The following RANBP17 variants were observed in gnomAD, a reference collection of about 807,000 sequenced individuals.
RANBP17 encodes the protein RAN binding protein 17.
A neutral mutation model predicts 141.2 loss-of-function variants in RANBP17; 158 were observed. The ratio of observed to expected loss-of-function variants is 1.12; its 90% CI spans 0.98 to 1.28. RANBP17 has a LOEUF of 1.28. Ranked by LOEUF, RANBP17 falls within the 50% of genes most tolerant of loss-of-function variation. The pLI is 0.00. For synonymous variants in RANBP17, 430 were observed against 450.0 expected, an observed-to-expected ratio of 0.96 and a Z score of 0.56; for missense variants, 1,438 against 1,290.7, an observed-to-expected ratio of 1.11 and a Z score of -1.75.
chr5:170,982,918 A>G (rs1777872218), intron 14 of RANBP17: 1 of 307,986 alleles, frequency 3.2e-6, no homozygotes, highest in African/African-American at 2.2e-5. Context: ...AATAGAAGAC[A>G]GTGAAACATT....
chr5:171,296,024 G>C lies in RANBP17; in HGVS notation c.3170+10G>C, dbSNP rs779206769. ...TCAAGAACAGAGACAGGTGAGCATT[G>C]CCCAGTAGTGTGTCACTGGGGGAAG... On this transcript the variant is annotated intron_variant, in intron 27 of 27. Transcript: ENST00000523189. The C allele has an allele frequency of 6.2e-7, 1 of 1,610,540 alleles. No individual in the cohort carries two copies. Among genetic ancestry groups the C allele is most frequent in the African/African-American group, 1.3e-5 (1 of 74,818 alleles).
Position 170,951,904 on chromosome 5 carries a change from CA to C in RANBP17, c.1469-1692del, listed in dbSNP as rs374389672. On this transcript the variant is annotated intron_variant, in intron 12 of 27. Coordinates refer to ENST00000523189, the MANE Select transcript of RANBP17 (RefSeq NM_022897.5). ...GCCAAGAACCAATACTTTCAAAAAA[CA>C]GGGGGAAATAATCTGCAGGAGAGTA... Among the ~76,000 whole-genome samples the C allele has an allele frequency of 4.1e-4, 62 of 151,958 alleles. 1 individual carries two copies. The South Asian group carries it at 0.012, about 31-fold the overall frequency.
chr5:170,896,338 G>A (rs1770119137), intron 5 of RANBP17: 4 of 451,250 alleles, frequency 8.9e-6, no homozygotes, highest in South Asian at 4.5e-5. Context: ...GTATTACAAA[G>A]AACAGAGAAT....
chr5:171,212,530 C>A (rs1201646003), intron 20 of RANBP17, among the ~76,000 whole-genome samples: 1 of 152,156 alleles, frequency 6.6e-6, no homozygotes, highest in Non-Finnish European at 1.5e-5. Context: ...AGAGATGAAG[C>A]TGGAGGTAGC....
chr5:171,136,001 C>G (rs975027133), intron 14 of RANBP17, among the ~76,000 whole-genome samples: 4 of 152,168 alleles, frequency 2.6e-5, no homozygotes, highest in Non-Finnish European at 5.9e-5. Context: ...GGCTGATGTT[C>G]TTTTCTACAT....
intron 14 of RANBP17, among the ~76,000 whole-genome samples, chr5:171,000,972 C>G (rs534498429): frequency 5.5e-4 from 84 of 152,156 alleles, no homozygotes; most frequent in African/African-American, 1.9e-3. Flanking sequence ...TGCTTCAGGC[C>G]GTCCGGATGT....
At chr5:171,126,445 A>G (rs1401291463) in intron 14 of RANBP17, among the ~76,000 whole-genome samples, 1 of 152,208 alleles carries the variant, frequency 6.6e-6, no homozygotes, top group Non-Finnish European at 1.5e-5. Flanking sequence ...ACCCCAAATT[A>G]GTTGAAGGAC....
chr5:170,957,107 A>ACACACACGCGCG (rs542213195), intron 13 of RANBP17, among the ~76,000 whole-genome samples: 2 of 150,420 alleles, frequency 1.3e-5, no homozygotes, highest in South Asian at 4.3e-4. Context: ...ACACACACAC[A>ACACACACGCGCG]CGCGCACACT....
intron 14 of RANBP17, among the ~76,000 whole-genome samples, chr5:171,161,216 A>T (rs1181453462): frequency 6.6e-6 from 1 of 152,216 alleles, no homozygotes; most frequent in African/African-American, 2.4e-5. Context: ...ATATAACCAC[A>T]TCCAGAATTT....
intron 14 of RANBP17, among the ~76,000 whole-genome samples, chr5:170,982,695 T>G (rs1404064044): frequency 1.3e-5 from 2 of 152,290 alleles, no homozygotes; most frequent in East Asian, 3.9e-4. Flanking sequence ...GAAATTCTCC[T>G]GTAGTGAAAG....
At chr5:170,906,090 C>G (rs1771057606) in intron 5 of RANBP17, among the ~76,000 whole-genome samples, 1 of 152,018 alleles carries the variant, frequency 6.6e-6, no homozygotes, top group Admixed American at 6.6e-5. Context: ...TTCCTACACA[C>G]AAGGACGTTC....
intron 14 of RANBP17, among the ~76,000 whole-genome samples, chr5:171,016,342 A>G (rs1289083569): frequency 1.3e-5 from 2 of 152,072 alleles, no homozygotes; most frequent in South Asian, 2.1e-4. Flanking sequence ...CAAAATTTCT[A>G]TAAGTGACAA....
chr5:170,977,627 T>G (rs1255679814), intron 14 of RANBP17, among the ~76,000 whole-genome samples: 1 of 152,036 alleles, frequency 6.6e-6, no homozygotes, highest in Non-Finnish European at 1.5e-5. Context: ...TAGATAAAAT[T>G]TGGTATTTCC....
At position 171,299,479 on chromosome 5, in the gene RANBP17, A is replaced by C. The variant is rs537827305; in HGVS notation, c.*621A>C. Reference sequence around the variant, plus strand: ...GAAACAATGTTTGCTTTTCACTGGCATAAATCTGAAGTGGTTCAGTCTAGA... The same window carrying C: ...GAAACAATGTTTGCTTTTCACTGGCCTAAATCTGAAGTGGTTCAGTCTAGA... On this transcript the variant is annotated 3_prime_UTR_variant, in exon 28 of 28. Coordinates refer to ENST00000523189, the MANE Select transcript of RANBP17 (RefSeq NM_022897.5). 5.7e-4 allele frequency: 133 copies of C among 231,678 alleles called. No homozygotes were observed. Among genetic ancestry groups the C allele is most frequent in the African/African-American group, 2.8e-3 (127 of 45,378 alleles). 14.4% of individuals were successfully genotyped at this position (231,678 alleles called of 1,614,324 possible).
intron 5 of RANBP17, among the ~76,000 whole-genome samples, chr5:170,901,657 A>G (rs1581100380): frequency 6.6e-6 from 1 of 152,196 alleles, no homozygotes; most frequent in Admixed American, 6.5e-5. Flanking sequence ...AGTGGCTGGT[A>G]CCAGTTTTTC....
intron 22 of RANBP17, 74 bp from the exon 23 acceptor site, chr5:171,240,854 T>A: frequency 1.1e-6 from 1 of 918,184 alleles, no homozygotes; most frequent in Non-Finnish European, 1.7e-6. Flanking sequence ...AAAGTAAAAA[T>A]GTTAAATAGT....
intron 14 of RANBP17, among the ~76,000 whole-genome samples, chr5:171,034,330 A>G (rs79345417): frequency 0.018 from 2,748 of 152,222 alleles, 77 homozygotes; most frequent in African/African-American, 0.063. Flanking sequence ...TAGGGTTATC[A>G]TATGTAATTA....
chr5:170,990,324 T>C (rs1388034248), intron 14 of RANBP17, among the ~76,000 whole-genome samples: 1 of 151,896 alleles, frequency 6.6e-6, no homozygotes, highest in Non-Finnish European at 1.5e-5. Context: ...TAGCTACCTC[T>C]TGGTTATGTA....
At chr5:171,173,761 T>C (rs911518214) in intron 16 of RANBP17, among the ~76,000 whole-genome samples, 2 of 152,180 alleles carry the variant, frequency 1.3e-5, no homozygotes, top group Non-Finnish European at 2.9e-5. Context: ...CCAGAGTTTC[T>C]CTTTCAGGAG....
Sources: gnomAD v4.1 joint callset for allele counts (sites outside exome capture counted in the v4.1 genomes callset) on GRCh38, gnomAD v4.1.1 for gene constraint, MANE v1.5 for transcripts, NCBI Gene and HGNC (gene_info 2026-07-23, HGNC 2026-07-21) for gene names.